CHD9: variants seen among roughly 807,000 people sequenced by gnomAD.
CHD9 encodes the protein ATP-dependent chromatin remodeler CHD9.
CHD9 carries 77 observed loss-of-function variants against 316.1 expected under a neutral mutation model. The ratio of observed to expected loss-of-function variants is 0.24; its 90% CI spans 0.20 to 0.29. The LOEUF (loss-of-function observed/expected upper bound fraction) is 0.29, where lower values mean the gene tolerates loss of function less well. Ranked by LOEUF, CHD9 falls within the 10% of genes least tolerant of loss-of-function variation. The pLI is 1.00. For synonymous variants in CHD9, 1,129 were observed against 1,158.3 expected (o/e 0.97, Z 0.51); for missense variants, 2,763 against 3,438.1 (o/e 0.80, Z 4.91).
chr16:53,145,746 G>A (rs1251648558), intron 1 of CHD9, among the ~76,000 whole-genome samples: 1 of 151,904 alleles, frequency 6.6e-6, no homozygotes, highest in Non-Finnish European at 1.5e-5. Context: ...TTGCTATCCA[G>A]ACATCTTGTA....
chr16:53,145,699 T>A (rs1454796130), intron 1 of CHD9, among the ~76,000 whole-genome samples: 1 of 151,518 alleles, frequency 6.6e-6, no homozygotes, highest in African/African-American at 2.4e-5. Flanking sequence ...AGAGCAAAAC[T>A]CCATCTCAAA....
chr16:53,127,750 G>A (rs1372617421), intron 1 of CHD9, among the ~76,000 whole-genome samples: 5 of 151,910 alleles, frequency 3.3e-5, no homozygotes, highest in African/African-American at 7.3e-5. Context: ...GTGAAACCCC[G>A]TCTCTGCTAA....
intron 2 of CHD9, among the ~76,000 whole-genome samples, chr16:53,161,455 A>G (rs1007949050): frequency 5.3e-5 from 8 of 152,164 alleles, no homozygotes; most frequent in African/African-American, 1.9e-4. Flanking sequence ...GGTTCTATGG[A>G]AAGAAATTTT....
At chr16:53,247,270 A>G (rs2152959382) in intron 15 of CHD9, 23 bp from the exon 16 acceptor site, 2 of 1,531,468 alleles carry the variant, frequency 1.3e-6, no homozygotes, top group East Asian at 4.6e-5. Flanking sequence ...CATTGCTGTT[A>G]TCTTCTCCTA....
intron 30 of CHD9, among the ~76,000 whole-genome samples, chr16:53,300,550 C>T (rs2055287144): frequency 6.6e-6 from 1 of 152,178 alleles, no homozygotes; most frequent in Non-Finnish European, 1.5e-5. Flanking sequence ...TAGAAGGTGG[C>T]ATGGCTTTAT....
At chr16:53,298,718 A>G (rs2055056958) in intron 30 of CHD9, 1 of 153,024 alleles carries the variant, frequency 6.5e-6, no homozygotes, top group Non-Finnish European at 1.5e-5. Context: ...CTACACATGG[A>G]CTGAGTTTGG....
At chr16:53,093,818 C>T (rs1413246450) in intron 1 of CHD9, among the ~76,000 whole-genome samples, 1 of 152,086 alleles carries the variant, frequency 6.6e-6, no homozygotes, top group East Asian at 1.9e-4. Context: ...ATGATGGACA[C>T]TGATGATTGT....
intron 37 of CHD9, chr16:53,321,197 T>C: frequency 7.7e-7 from 1 of 1,299,226 alleles, no homozygotes; most frequent in Non-Finnish European, 1.0e-6. Flanking sequence ...ATTTACTGAT[T>C]TGCTCGAGTT....
intron 3 of CHD9, among the ~76,000 whole-genome samples, chr16:53,215,073 C>T (rs529878074): frequency 5.3e-5 from 8 of 152,040 alleles, no homozygotes; most frequent in Non-Finnish European, 1.0e-4. Context: ...CCACCACGCC[C>T]GGCTAATTTT....
chr16:53,114,577 TTTTA>T (rs1268252924), intron 1 of CHD9, among the ~76,000 whole-genome samples: 1 of 139,110 alleles, frequency 7.2e-6, no homozygotes, highest in African/African-American at 2.7e-5. Flanking sequence ...TTTTATTATT[TTTTA>T]TTTATTTATT....
chr16:53,146,955 T>C (rs2040681591), intron 1 of CHD9, among the ~76,000 whole-genome samples: 1 of 152,154 alleles, frequency 6.6e-6, no homozygotes, highest in African/African-American at 2.4e-5. Flanking sequence ...AGTTTCTGCC[T>C]TATGTAGCAT....
rs61450186 is a variant in CHD9 at position 53,100,453 on chromosome 16, CTTTTTTT to C, written c.-165+45387_-165+45393del. 4.7e-4 allele frequency among the ~76,000 whole-genome samples: 61 copies of C among 129,638 alleles called. 1 individual carries two copies. Among genetic ancestry groups the C allele is most frequent in the Non-Finnish European group, 8.8e-4 (53 of 60,522 alleles). The allele number at this position is 129,638 out of a possible 152,430, so 85.0% of individuals were successfully genotyped here. On this transcript the variant is annotated intron_variant, in intron 1 of 38. Transcript: ENST00000447540. ...GCACTCTGAATTTAGACTCATTCGTCTTTTTTTTTTTTTTTTTCCAAAAGACAGGGTC... is the reference window on the plus strand; with the variant it reads ...GCACTCTGAATTTAGACTCATTCGTCTTTTTTTTTTCCAAAAGACAGGGTC...
At chr16:53,075,160 A>G (rs1336353672) in intron 1 of CHD9, among the ~76,000 whole-genome samples, 4 of 152,174 alleles carry the variant, frequency 2.6e-5, no homozygotes, top group East Asian at 1.9e-4. Flanking sequence ...TCAGGCTTGC[A>G]TGGGCCCTGT....
chr16:53,244,747 C>T (rs1354077554), intron 13 of CHD9, among the ~76,000 whole-genome samples: 1 of 151,962 alleles, frequency 6.6e-6, no homozygotes, highest in Non-Finnish European at 1.5e-5. Context: ...TGAAGCATTT[C>T]AGAATGATAC....
chr16:53,290,960 T>A (rs1452560359), intron 27 of CHD9, among the ~76,000 whole-genome samples: 2 of 152,090 alleles, frequency 1.3e-5, no homozygotes, highest in Non-Finnish European at 2.9e-5. Flanking sequence ...AGAAGCACTA[T>A]GAAGAGATAG....
At chr16:53,121,274 T>A (rs1159087089) in intron 1 of CHD9, 1 of 440,756 alleles carries the variant, frequency 2.3e-6, no homozygotes, top group Non-Finnish European at 4.5e-6. Context: ...CATTTCATCC[T>A]TTTGATCTCT....
intron 1 of CHD9, among the ~76,000 whole-genome samples, chr16:53,144,654 G>A (rs955865983): frequency 6.6e-6 from 1 of 151,250 alleles, no homozygotes; most frequent in Admixed American, 6.6e-5. Flanking sequence ...TCAGCCTCCC[G>A]AGTAGCTGGG....
chr16:53,199,371 A>G (rs1466128487), intron 2 of CHD9, among the ~76,000 whole-genome samples: 1 of 152,172 alleles, frequency 6.6e-6, no homozygotes, highest in South Asian at 2.1e-4. Context: ...TTTAGCATAT[A>G]TTAATATATA....
At chr16:53,304,689 T>TTTTA in intron 31 of CHD9, 64 bp downstream of exon 31, 1 of 978,124 alleles carries the variant, frequency 1.0e-6, no homozygotes, top group Non-Finnish European at 1.3e-6. Flanking sequence ...TTTTCTTTTC[T>TTTTA]TTTCTTTTTT....
Sources: gnomAD v4.1 joint callset for allele counts (sites outside exome capture counted in the v4.1 genomes callset) on GRCh38, gnomAD v4.1.1 for gene constraint, MANE v1.5 for transcripts, NCBI Gene and HGNC (gene_info 2026-07-23, HGNC 2026-07-21) for gene names.